Variants in ACAD10 observed in about 807,000 individuals in gnomAD.
The protein encoded by ACAD10 is ACAD-10.
In ACAD10, 112 loss-of-function variants were observed where a neutral mutation model predicts 116.8. That is an observed-to-expected ratio of 0.96 (90% CI 0.82 to 1.12). The LOEUF (loss-of-function observed/expected upper bound fraction) is 1.12. Among genes scored for constraint, ACAD10 ranks in the 50% most tolerant of loss-of-function variants. The pLI, the probability that ACAD10 is intolerant of heterozygous loss-of-function variation, is 0.00. For missense variants in ACAD10, 1,259 were observed against 1,350.2 expected (o/e 0.93, Z 1.06); for synonymous variants, 486 against 510.6 (o/e 0.95, Z 0.65).
At chr12:111,717,327 A>C (rs1888873706) in intron 7 of ACAD10, among the ~76,000 whole-genome samples, 1 of 148,108 alleles carries the variant, frequency 6.8e-6, no homozygotes, top group Non-Finnish European at 1.5e-5. Context: ...CGCTGCACTC[A>C]CAAAGTGAGA....
intron 1 of ACAD10, among the ~76,000 whole-genome samples, chr12:111,689,046 C>T (rs1164264521): frequency 6.6e-6 from 1 of 151,828 alleles, no homozygotes; most frequent in African/African-American, 2.4e-5. Flanking sequence ...CAAAAATTAG[C>T]CAGGCGTGGT....
chr12:111,727,896 G>A lies in ACAD10; in HGVS notation c.1062-66G>A, dbSNP rs1024669401. On this transcript the variant is annotated intron_variant, in intron 8 of 20. Coordinates refer to ENST00000313698, the MANE Select transcript of ACAD10 (RefSeq NM_025247.6). ...ACCCAGGGAAAGTGACAAAGAATAG[G>A]GTCATGACTAACAGCCTGCCACATT... is the stretch of plus-strand genomic sequence containing the variant. The A allele has an allele frequency of 2.0e-6, 3 of 1,482,608 alleles. No homozygotes were observed. In the African/African-American group the frequency reaches 4.2e-5, roughly 21 times the overall value. 91.8% of individuals were successfully genotyped at this position (1,482,608 alleles called of 1,614,324 possible). A position where few individuals can be genotyped will look rare whatever the true frequency, so the allele number is the denominator to read the frequency against.
intron 6 of ACAD10, among the ~76,000 whole-genome samples, chr12:111,712,955 C>A (rs1400456171): frequency 6.6e-6 from 1 of 152,208 alleles, no homozygotes; most frequent in African/African-American, 2.4e-5. Context: ...GCAGTGTGTG[C>A]TCAGAGGATT....
chr12:111,748,431 A>T lies in ACAD10; in HGVS notation c.2600A>T (p.Lys867Ile). 1.2e-6 allele frequency: 2 copies of T among 1,614,040 alleles called. No homozygotes were observed. Among genetic ancestry groups the T allele is most frequent in the Non-Finnish European group, 1.7e-6 (2 of 1,180,028 alleles). ...GTTCCCATGGATACCCCAGGGATAA[A>T]AATCATCCGGCCTCTGACGGTGTAT... ...LLVPMDTPGI[K>I]IIRPLTVYGL... is the part of the protein sequence containing the mutation. The change falls in exon 17 of 21, where the codon AAA (lysine) becomes ATA (isoleucine). Residue 867 changes from lysine to isoleucine, a missense_variant. Coordinates refer to ENST00000313698, the MANE Select transcript of ACAD10 (RefSeq NM_025247.6).
intron 14 of ACAD10, 107 bp downstream of exon 14, chr12:111,746,391 C>CT (rs35354983): frequency 0.26 from 257,943 of 991,458 alleles, 7,476 homozygotes; most frequent in East Asian, 0.56. Flanking sequence ...TGAACTTGAA[C>CT]TTTTTTTTTT....
chr12:111,723,493 C>A (rs1383784701), intron 8 of ACAD10, among the ~76,000 whole-genome samples: 1 of 140,442 alleles, frequency 7.1e-6, no homozygotes, highest in South Asian at 2.3e-4. Flanking sequence ...CCCTCCCGGA[C>A]GGGGCGGCTG....
intron 9 of ACAD10, among the ~76,000 whole-genome samples, chr12:111,729,028 A>C (rs939667022): frequency 3.9e-5 from 6 of 152,076 alleles, no homozygotes; most frequent in African/African-American, 1.4e-4. Flanking sequence ...AGGGCTTTAC[A>C]TATTTTATTC....
At chr12:111,756,070 G>A (rs1292944021) in intron 20 of ACAD10, 3 of 1,257,038 alleles carry the variant, frequency 2.4e-6, no homozygotes, top group African/African-American at 1.5e-5. Flanking sequence ...ATGCAGGGGG[G>A]CCGCCTCCTT....
intron 18 of ACAD10, 38 bp from the exon 19 acceptor site, chr12:111,753,734 C>T: frequency 1.2e-6 from 2 of 1,613,564 alleles, no homozygotes. Context: ...CACCCCCAGC[C>T]CAGCATGTCC....
chr12:111,734,017 G>A lies in ACAD10; in HGVS notation c.1489G>A (p.Ala497Thr), dbSNP rs759198342. ...STLGDPLADV[A>T]YSCLAHYLPS... ...CTTGGGCGACCCCCTTGCTGATGTGGCCTACAGCTGCCTGGCTCATTACCT... is the reference window on the plus strand; with the variant it reads ...CTTGGGCGACCCCCTTGCTGATGTGACCTACAGCTGCCTGGCTCATTACCT... Residue 497 changes from alanine (A) to threonine (T), a missense_variant, in exon 11 of 21, where the codon GCC becomes ACC. By Grantham distance (58) the Ala-to-Thr change is moderately conservative. Transcript: ENST00000313698. 2 of 1,614,208 alleles carry A rather than the reference G, an allele frequency of 1.2e-6. No individual in the cohort carries two copies. Among genetic ancestry groups the A allele is most frequent in the East Asian group, 4.5e-5 (2 of 44,886 alleles).
rs753263645 is a variant in ACAD10, at chr12:111,747,109, G to T, written c.2317G>T (p.Glu773Ter). 6.2e-7 allele frequency: 1 copy of T among 1,613,368 alleles called. No homozygotes were observed. The highest frequency in any genetic ancestry group is 1.1e-5 in the South Asian group (1 of 90,984). The change falls in exon 15 of 21, where the codon GAA becomes TAA. Residue 773 changes from glutamate to a stop codon, truncating the protein, a stop_gained. Coordinates refer to ENST00000313698, the MANE Select transcript of ACAD10 (RefSeq NM_025247.6). LOFTEE classifies it high-confidence loss of function. ...GGAGCTGCTGGTGAGGTATGGCACC[G>T]AAGCGCAGAAGGCTCGCTGGCTGAT... is the stretch of plus-strand genomic sequence containing the variant. ...NMELLVRYGT[E>*]AQKARWLIPL...
chr12:111,692,547 A>G, intron 1 of ACAD10, 150 bp from the exon 2 acceptor site: 1 of 725,776 alleles, frequency 1.4e-6, no homozygotes, highest in Non-Finnish European at 2.2e-6. Flanking sequence ...CCAGGGAGGG[A>G]GGAGACACTG....
In ACAD10 at chr12:111,756,706, G is replaced by C; in HGVS notation, c.*233G>C. ...AGGGGATTTGCTGAGGGCCAAGGGGGTTCTGGGACAGAGTCTGGAAAGCTG... is the reference window on the plus strand; with the variant it reads ...AGGGGATTTGCTGAGGGCCAAGGGGCTTCTGGGACAGAGTCTGGAAAGCTG... On this transcript the variant is annotated 3_prime_UTR_variant, in exon 21 of 21. Transcript: ENST00000313698. The C allele has an allele frequency of 1.4e-6, 1 of 729,262 alleles. No homozygotes were observed. Among genetic ancestry groups the C allele is most frequent in the South Asian group, 1.5e-5 (1 of 67,686 alleles). The allele number at this position is 729,262 out of a possible 1,614,324, so 45.2% of individuals were successfully genotyped here. A position where few individuals can be genotyped will look rare whatever the true frequency, so the allele number is the denominator to read the frequency against.
intron 8 of ACAD10, among the ~76,000 whole-genome samples, chr12:111,724,845 GA>G (rs1183519468): frequency 8.7e-5 from 13 of 149,970 alleles, no homozygotes; most frequent in African/African-American, 3.2e-4. Context: ...AAGAGAGGGA[GA>G]GGGAGACCGT....
chr12:111,734,071 A>G lies in ACAD10; in HGVS notation c.1540+3A>G. On this transcript the variant is annotated splice_donor_region_variant and intron_variant, in intron 11 of 20. Transcript: ENST00000313698. ...ATCCAGTTTTCCCGTGCTGAGAGGT[A>G]GGAACTGCTGCTGGAGGATAGTGGG... The G allele has an allele frequency of 2.5e-6, 4 of 1,614,190 alleles. No homozygotes were observed. The highest frequency in any genetic ancestry group is 1.1e-5 in the South Asian group (1 of 91,090).
chr12:111,724,148 C>A (rs959923758), intron 8 of ACAD10, among the ~76,000 whole-genome samples: 2 of 148,270 alleles, frequency 1.3e-5, no homozygotes, highest in African/African-American at 5.0e-5. Context: ...CCAGACTGGG[C>A]AGCCAGGCAG....
chr12:111,717,698 C>T (rs1271415178), intron 7 of ACAD10, among the ~76,000 whole-genome samples: 1 of 151,750 alleles, frequency 6.6e-6, no homozygotes, highest in South Asian at 2.1e-4. Flanking sequence ...CCAAATACTA[C>T]AGGCACATGC....
chr12:111,749,556 T>G lies in ACAD10; in HGVS notation c.2817+211T>G. 3.7e-5 allele frequency: 24 copies of G among 651,884 alleles called. No homozygotes were observed. In the South Asian group the frequency reaches 4.9e-4, roughly 13 times the overall value. 40.4% of individuals were successfully genotyped at this position (651,884 alleles called of 1,614,324 possible). A position where few individuals can be genotyped will look rare whatever the true frequency, so the allele number is the denominator to read the frequency against. The stretch of plus-strand genomic sequence containing the variant: ...CAGAATGGACCCCACTCTGTCGAGG[T>G]GACCTGAAGGGAAACGCCAGGCTCT... On this transcript the variant is annotated intron_variant, in intron 18 of 20. Coordinates refer to ENST00000313698, the MANE Select transcript of ACAD10 (RefSeq NM_025247.6).
chr12:111,749,102 A>G, intron 17 of ACAD10, 71 bp from the exon 18 acceptor site: 1 of 1,613,816 alleles, frequency 6.2e-7, no homozygotes. Context: ...ACCCAGACTG[A>G]GGTGAGGAAT....
Sources: allele counts gnomAD v4.1 joint callset (sites outside exome capture counted in the v4.1 genomes callset), GRCh38; gene constraint gnomAD v4.1.1; transcripts MANE v1.5; gene names NCBI Gene and HGNC (gene_info 2026-07-23, HGNC 2026-07-21).